The following SREK1 variants were observed in gnomAD, a reference collection of about 807,000 sequenced individuals.
SREK1 encodes splicing regulatory glutamic acid and lysine rich protein 1.
In SREK1, 13 loss-of-function variants were observed where a neutral mutation model predicts 66.5. That is an observed-to-expected ratio of 0.20 (90% CI 0.13 to 0.31). The LOEUF is 0.31. Among genes scored for constraint, SREK1 ranks in the 10% least tolerant of loss-of-function variants. The probability of loss-of-function intolerance (pLI) is 1.00; values close to 1 mark genes in which losing one functional copy is unlikely to be tolerated. For missense variants in SREK1, 607 were observed against 769.6 expected, an observed-to-expected ratio of 0.79 and a Z score of 2.50; for synonymous variants, 265 against 263.5, an observed-to-expected ratio of 1.01 and a Z score of -0.05.
intron 3 of SREK1, among the ~76,000 whole-genome samples, chr5:66,161,629 C>T (rs1000800064): frequency 2.0e-5 from 3 of 152,112 alleles, no homozygotes; most frequent in Non-Finnish European, 4.4e-5. Context: ...TGAATTGTAG[C>T]GCTGCTGGCT....
chr5:66,180,638 T>G lies in SREK1; in HGVS notation c.*1770T>G, dbSNP rs762786534. On this transcript the variant is annotated 3_prime_UTR_variant, in exon 12 of 12. Transcript: ENST00000334121. ...TTTTCCTTTTTGTCACTGTGTACATTAAAATTTTGGAAGATGCTTTACTAT... is the reference window on the plus strand; with the variant it reads ...TTTTCCTTTTTGTCACTGTGTACATGAAAATTTTGGAAGATGCTTTACTAT... 188 of 152,718 alleles carry G rather than the reference T, an allele frequency of 1.2e-3. 2 individuals carry two copies. Among genetic ancestry groups the G allele is most frequent in the Non-Finnish European group, 2.1e-3 (145 of 67,992 alleles). 9.5% of individuals were successfully genotyped at this position (152,718 alleles called of 1,614,324 possible). A position where few individuals can be genotyped will look rare whatever the true frequency, so the allele number is the denominator to read the frequency against.
rs1224659869 is a variant in SREK1, at chr5:66,178,817, G to C, written c.1824G>C (p.Gly608=). 6.2e-7 allele frequency: 1 copy of C among 1,612,524 alleles called. No homozygotes were observed. Residue 608 remains glycine (G), a synonymous_variant, in exon 12 of 12, where the codon GGG becomes GGC. Transcript: ENST00000334121. ...AGGAAAACAAAATACAGCACAATGG[G>C]AATTGTCAGCTGAATGAAGAAAACC... The part of the protein sequence containing the change: ...RTEENKIQHN[G]NCQLNEENLS...
intron 7 of SREK1, chr5:66,169,673 T>A (rs370641211): frequency 6.5e-6 from 1 of 152,836 alleles, no homozygotes; most frequent in Non-Finnish European, 1.5e-5. Context: ...TCTTTTTGTT[T>A]GTTATGACAG....
intron 7 of SREK1, chr5:66,168,968 A>G (rs1170456694): frequency 1.3e-5 from 2 of 152,142 alleles, no homozygotes; most frequent in Admixed American, 6.5e-5. Flanking sequence ...ACTCCACTTT[A>G]TAGAGGAAGA....
At chr5:66,174,398 GA>G (rs1443916555) in intron 9 of SREK1, among the ~76,000 whole-genome samples, 1 of 152,104 alleles carries the variant, frequency 6.6e-6, no homozygotes, top group African/African-American at 2.4e-5. Context: ...AGGTTGGAGG[GA>G]AAAGCAATTT....
At chr5:66,152,367 G>T (rs550916851) in intron 1 of SREK1, among the ~76,000 whole-genome samples, 89 of 152,204 alleles carry the variant, frequency 5.8e-4, no homozygotes, top group Non-Finnish European at 1.1e-3. Context: ...CTGGATTTTT[G>T]GATTTTAAAA....
intron 10 of SREK1, among the ~76,000 whole-genome samples, chr5:66,175,346 C>T (rs1745971652): frequency 6.6e-6 from 1 of 152,066 alleles, no homozygotes; most frequent in South Asian, 2.1e-4. Context: ...AGAATACACA[C>T]TGTTGTGCCC....
intron 2 of SREK1, chr5:66,156,583 T>A: frequency 3.0e-6 from 3 of 985,610 alleles, no homozygotes; most frequent in Non-Finnish European, 3.6e-6. Flanking sequence ...TTCTAGTTTT[T>A]TTCCCCCCTA....
intron 7 of SREK1, chr5:66,166,433 C>A (rs139397354): frequency 9.2e-5 from 14 of 152,246 alleles, no homozygotes; most frequent in African/African-American, 3.1e-4. Context: ...GATGTACACA[C>A]AATGTCTGCG....
At position 66,163,878 on chromosome 5, in the gene SREK1, G is replaced by A. The variant is rs779575332; in HGVS notation, c.842G>A (p.Arg281Gln). The A allele has an allele frequency of 6.2e-7, 1 of 1,613,678 alleles. No homozygotes were observed. Among genetic ancestry groups the A allele is most frequent in the Non-Finnish European group, 8.5e-7 (1 of 1,179,680 alleles). ...AAGGAGTTAGAAGAAGTAATGAAGC[G>A]AGTACGAGAAGCTCAGTCATTTATC... ...AAKELEEVMK[R>Q]VREAQSFISA... The change falls in exon 6 of 12, where the codon CGA becomes CAA. Residue 281 changes from arginine (R) to glutamine (Q), a missense_variant. This residue lies in a region of SREK1 where 112 missense variants were observed against 168.6 expected (regional missense o/e 0.66). Coordinates refer to ENST00000334121, the MANE Select transcript of SREK1 (RefSeq NM_001077199.3).
chr5:66,157,733 G>C, intron 2 of SREK1: 1 of 931,534 alleles, frequency 1.1e-6, no homozygotes, highest in South Asian at 5.0e-5. Context: ...CTTTGTTTTT[G>C]AAAGTAATAA....
At chr5:66,163,965 A>T in intron 6 of SREK1, 43 bp downstream of exon 6, 1 of 1,586,684 alleles carries the variant, frequency 6.3e-7, no homozygotes, top group Non-Finnish European at 8.6e-7. Context: ...TTTAAAGATC[A>T]TAGACTCTTA....
chr5:66,180,119 G>A lies in SREK1; in HGVS notation c.*1251G>A, dbSNP rs1411527128. 3 of 152,622 alleles carry A rather than the reference G, an allele frequency of 2.0e-5. No homozygotes were observed. The highest frequency in any genetic ancestry group is 1.9e-4 in the East Asian group (1 of 5,184). 9.5% of individuals were successfully genotyped at this position (152,622 alleles called of 1,614,324 possible). A position where few individuals can be genotyped will look rare whatever the true frequency, so the allele number is the denominator to read the frequency against. On this transcript the variant is annotated 3_prime_UTR_variant, in exon 12 of 12. Coordinates refer to ENST00000334121, the MANE Select transcript of SREK1 (RefSeq NM_001077199.3). ...AGAAATTGTACTTAAGGACTTAGGAGTATATGGGAGGTTATTGGTTTTATG... is the reference window on the plus strand; with the variant it reads ...AGAAATTGTACTTAAGGACTTAGGAATATATGGGAGGTTATTGGTTTTATG...
rs1248179739 is a variant in SREK1, at chr5:66,179,875, T to TA, written c.*1008dup. 3.3e-5 allele frequency: 5 copies of TA among 152,554 alleles called. No homozygotes were observed. Among genetic ancestry groups the TA allele is most frequent in the East Asian group, 1.9e-4 (1 of 5,202 alleles). The allele number at this position is 152,554 out of a possible 1,614,324, so 9.5% of individuals were successfully genotyped here. The stretch of plus-strand genomic sequence containing the variant: ...TACCCATAGAGAAGTGTGTAAGTGA[T>TA]ATGTCAGAAGAGCTTCTTACTGATT... On this transcript the variant is annotated 3_prime_UTR_variant, in exon 12 of 12. Transcript: ENST00000334121.
rs1424136027 is a variant in SREK1 at position 66,176,747 on chromosome 5, G to A, written c.1581-767G>A. Among the ~76,000 whole-genome samples, 7 of 152,102 alleles carry A rather than the reference G, an allele frequency of 4.6e-5. 1 individual carries two copies. The East Asian group carries it at 7.7e-4, about 17-fold the overall frequency. On this transcript the variant is annotated intron_variant, in intron 10 of 11. Transcript: ENST00000334121. ...AGAAATTTTTGTTGTTGTTGCTGTT[G>A]GAAATGAGGTATTTTCTTTCATTAT...
intron 6 of SREK1, chr5:66,164,244 C>A: frequency 3.5e-6 from 1 of 287,722 alleles, no homozygotes; most frequent in Non-Finnish European, 6.6e-6. Context: ...TAAAACGTTA[C>A]GACTCAGCAG....
intron 9 of SREK1, 90 bp from the exon 10 acceptor site, chr5:66,174,856 A>G (rs922251814): frequency 1.3e-5 from 15 of 1,186,106 alleles, no homozygotes; most frequent in Non-Finnish European, 1.6e-5. Context: ...TGTTCATATG[A>G]GAATATCAAG....
chr5:66,157,284 T>G, intron 2 of SREK1: 3 of 985,198 alleles, frequency 3.0e-6, no homozygotes, highest in Non-Finnish European at 3.6e-6. Flanking sequence ...TACTAAGTAG[T>G]CAACTTTTGG....
chr5:66,144,371 A>C lies in SREK1; in HGVS notation c.-6A>C. 2 of 1,539,366 alleles carry C rather than the reference A, an allele frequency of 1.3e-6. No individual in the cohort carries two copies. Among genetic ancestry groups the C allele is most frequent in the Non-Finnish European group, 1.8e-6 (2 of 1,138,580 alleles). ...GGAGCGGGAAGGCAACGGCAGCGGGATCGGGATGAACAGCGGCGGCGGCTT... is the reference window on the plus strand; with the variant it reads ...GGAGCGGGAAGGCAACGGCAGCGGGCTCGGGATGAACAGCGGCGGCGGCTT... On this transcript the variant is annotated 5_prime_UTR_variant, in exon 1 of 12. Transcript: ENST00000334121.
Sources: gnomAD v4.1 joint callset for allele counts (sites outside exome capture counted in the v4.1 genomes callset) on GRCh38, gnomAD v4.1.1 for gene constraint, gnomAD v4.1.1 regional missense constraint, MANE v1.5 for transcripts, NCBI Gene and HGNC (gene_info 2026-07-23, HGNC 2026-07-21) for gene names.